The following LRP12 variants were observed in gnomAD, a reference collection of about 807,000 sequenced individuals.
LRP12 encodes LDL receptor related protein 12.
LRP12 carries 14 observed loss-of-function variants against 66.0 expected under a neutral mutation model. The ratio of observed to expected loss-of-function variants is 0.21; its 90% CI spans 0.14 to 0.33. The LOEUF (loss-of-function observed/expected upper bound fraction) is 0.33, where lower values mean the gene tolerates loss of function less well. LRP12 is among the 10% of genes least tolerant of loss of function. The pLI, the probability that LRP12 is intolerant of heterozygous loss-of-function variation, is 1.00. For synonymous variants in LRP12, 357 were observed against 359.1 expected (o/e 0.99, Z 0.07); for missense variants, 889 against 1,053.4 (o/e 0.84, Z 2.16).
At position 104,588,914 on chromosome 8, in the gene LRP12, G is replaced by A. The variant is rs781391631; in HGVS notation, c.-17C>T. ...ACAGGCCATAACCACAGCAGATGGAGAGAGAGAGGAGGAGACGGAGGAGGA... is the reference window on the plus strand; with the variant it reads ...ACAGGCCATAACCACAGCAGATGGAAAGAGAGAGGAGGAGACGGAGGAGGA... On this transcript the variant is annotated 5_prime_UTR_variant, in exon 1 of 7. Transcript: ENST00000276654. The A allele has an allele frequency of 1.9e-6, 3 of 1,588,874 alleles. No homozygotes were observed. The highest frequency in any genetic ancestry group is 2.6e-6 in the Non-Finnish European group (3 of 1,165,114).
intron 1 of LRP12, among the ~76,000 whole-genome samples, chr8:104,560,763 T>C (rs1262044064): frequency 2.0e-5 from 3 of 152,220 alleles, no homozygotes; most frequent in African/African-American, 7.2e-5. Context: ...CAGATTTTCC[T>C]GGTTGTCTCC....
intron 1 of LRP12, among the ~76,000 whole-genome samples, chr8:104,574,291 C>T (rs1212128253): frequency 2.6e-5 from 4 of 152,136 alleles, no homozygotes; most frequent in Non-Finnish European, 4.4e-5. Context: ...ATTTTAATTC[C>T]TAATATTCTT....
intron 2 of LRP12, among the ~76,000 whole-genome samples, chr8:104,528,472 G>A (rs2140859996): frequency 6.6e-6 from 1 of 152,156 alleles, no homozygotes. Context: ...CTCCGTACTG[G>A]CCACAGAAAA....
At chr8:104,535,752 C>G (rs936216405) in intron 1 of LRP12, among the ~76,000 whole-genome samples, 2 of 151,956 alleles carry the variant, frequency 1.3e-5, no homozygotes, top group African/African-American at 2.4e-5. Flanking sequence ...ATTAAAAAGT[C>G]TGTATTCCTC....
At chr8:104,548,015 GTTATATTTTGTATATAAT>G (rs1811626974) in intron 1 of LRP12, among the ~76,000 whole-genome samples, 1 of 88,252 alleles carries the variant, frequency 1.1e-5, no homozygotes, top group East Asian at 2.7e-4. Flanking sequence ...ATATATAATT[GTTATATTTTGTATATAAT>G]ATATAATTCT....
intron 3 of LRP12, chr8:104,505,365 C>CTA: frequency 7.0e-6 from 1 of 142,084 alleles, no homozygotes; most frequent in Non-Finnish European, 1.5e-5. Context: ...TACAACCTTT[C>CTA]TACTTGGGAG....
intron 1 of LRP12, among the ~76,000 whole-genome samples, chr8:104,575,923 T>C (rs962304710): frequency 1.3e-5 from 2 of 152,100 alleles, no homozygotes; most frequent in African/African-American, 2.4e-5. Flanking sequence ...CAGAAAAGAA[T>C]GTAACAGACC....
chr8:104,587,301 G>A (rs765358619), intron 1 of LRP12, among the ~76,000 whole-genome samples: 3 of 152,150 alleles, frequency 2.0e-5, no homozygotes, highest in Non-Finnish European at 4.4e-5. Context: ...ACCTAGAGCA[G>A]AACTATACCC....
chr8:104,564,305 G>A (rs1811960352), intron 1 of LRP12, among the ~76,000 whole-genome samples: 1 of 152,130 alleles, frequency 6.6e-6, no homozygotes, highest in African/African-American at 2.4e-5. Context: ...TTCCAATTTG[G>A]TATCTGGCAC....
intron 2 of LRP12, among the ~76,000 whole-genome samples, chr8:104,524,094 T>C (rs1430172448): frequency 6.6e-6 from 1 of 151,456 alleles, no homozygotes; most frequent in Admixed American, 6.6e-5. Context: ...AAAACAAAAA[T>C]TGGCTGGGCA....
intron 1 of LRP12, among the ~76,000 whole-genome samples, chr8:104,575,089 G>C (rs1160165844): frequency 1.3e-5 from 2 of 152,200 alleles, no homozygotes; most frequent in Non-Finnish European, 2.9e-5. Context: ...TGGTGTGGGA[G>C]AGGGGGAAGG....
chr8:104,572,257 T>C (rs915279589), intron 1 of LRP12, among the ~76,000 whole-genome samples: 5 of 152,214 alleles, frequency 3.3e-5, no homozygotes, highest in Admixed American at 1.3e-4. Flanking sequence ...GGTGAGGACA[T>C]GGTTGTGACT....
chr8:104,576,788 T>G (rs1812171734), intron 1 of LRP12, among the ~76,000 whole-genome samples: 1 of 152,010 alleles, frequency 6.6e-6, no homozygotes, highest in African/African-American at 2.4e-5. Flanking sequence ...ATGGAATAAA[T>G]GCCCCAAGTA....
At chr8:104,507,064 T>C (rs928789138) in intron 3 of LRP12, 1 of 152,196 alleles carries the variant, frequency 6.6e-6, no homozygotes, top group African/African-American at 2.4e-5. Context: ...TAATTTAATA[T>C]TTCCTAATAC....
intron 1 of LRP12, among the ~76,000 whole-genome samples, chr8:104,542,994 A>AAT (rs149279085): frequency 0.028 from 3,963 of 144,064 alleles, 117 homozygotes; most frequent in Middle Eastern, 0.068. Context: ...AACACACACA[A>AAT]ATATATATAT....
At chr8:104,533,490 A>C (rs1811355771) in intron 1 of LRP12, among the ~76,000 whole-genome samples, 1 of 152,046 alleles carries the variant, frequency 6.6e-6, no homozygotes, top group African/African-American at 2.4e-5. Flanking sequence ...CAGATTATGG[A>C]ATCTGAATTT....
intron 1 of LRP12, among the ~76,000 whole-genome samples, chr8:104,547,523 T>C (rs1811598490): frequency 8.1e-6 from 1 of 123,364 alleles, no homozygotes; most frequent in East Asian, 2.2e-4. Context: ...TAATATATAA[T>C]TGTTATATTT....
chr8:104,499,029 G>GT (rs1369130867), intron 4 of LRP12, among the ~76,000 whole-genome samples: 8 of 152,118 alleles, frequency 5.3e-5, no homozygotes, highest in Admixed American at 5.2e-4. Flanking sequence ...CTGGATATGC[G>GT]TAAGCACTTG....
Position 104,490,619 on chromosome 8 carries a change from TAATA to T in LRP12, c.*50_*53del. ...CTAGTTTAACTGTAAAGTTACAAAA[TAATA>T]AATGGATATTGCTCCAACTTGTATA... On this transcript the variant is annotated 3_prime_UTR_variant, in exon 7 of 7. Coordinates refer to ENST00000276654, the MANE Select transcript of LRP12 (RefSeq NM_013437.5). The T allele has an allele frequency of 6.6e-7, 1 of 1,517,344 alleles. No homozygotes were observed. The highest frequency in any genetic ancestry group is 8.8e-7 in the Non-Finnish European group (1 of 1,134,640). The allele number at this position is 1,517,344 out of a possible 1,614,324, so 94.0% of individuals were successfully genotyped here. A position where few individuals can be genotyped will look rare whatever the true frequency, so the allele number is the denominator to read the frequency against.
Sources: gnomAD v4.1 joint callset for allele counts (sites outside exome capture counted in the v4.1 genomes callset) on GRCh38, gnomAD v4.1.1 for gene constraint, MANE v1.5 for transcripts, NCBI Gene and HGNC (gene_info 2026-07-23, HGNC 2026-07-21) for gene names.